FBRSL1: variants seen among roughly 807,000 people sequenced by gnomAD.
FBRSL1 encodes the protein fibrosin-1-like protein.
A neutral mutation model predicts 89.6 loss-of-function variants in FBRSL1; 51 were observed. The observed-to-expected ratio is 0.57, with a 90% CI of 0.45 to 0.72. The LOEUF (loss-of-function observed/expected upper bound fraction) is 0.72, where lower values mean the gene tolerates loss of function less well. Among genes scored for constraint, FBRSL1 ranks in the 30% least tolerant of loss-of-function variants. The pLI, the probability that FBRSL1 is intolerant of heterozygous loss-of-function variation, is 0.00. For missense variants in FBRSL1, 1,618 were observed against 1,451.8 expected (o/e 1.11, Z -1.86); for synonymous variants, 779 against 681.1 (o/e 1.14, Z -2.24).
chr12:132,584,816 TTTTACAC>T lies in FBRSL1; in HGVS notation c.*1039_*1045del, dbSNP rs1335146673. 1.1e-4 allele frequency: 3 copies of T among 26,184 alleles called. No individual in the cohort carries two copies. The highest frequency in any genetic ancestry group is 2.1e-4 in the Non-Finnish European group (3 of 14,002). 1.6% of individuals were successfully genotyped at this position (26,184 alleles called of 1,614,324 possible). A position where few individuals can be genotyped will look rare whatever the true frequency, so the allele number is the denominator to read the frequency against. On this transcript the variant is annotated 3_prime_UTR_variant, in exon 19 of 19. Transcript: ENST00000680143. ...AGAAGTGCAAGAGTCTAAAGGCTGA[TTTTACAC>T]ACACACACACACACACACACACACA...
At chr12:132,577,122 C>G (rs12821404) in intron 15 of FBRSL1, among the ~76,000 whole-genome samples, 191 bp downstream of exon 15, 1 of 151,894 alleles carries the variant, frequency 6.6e-6, no homozygotes, top group East Asian at 1.9e-4. Context: ...CACCTCTCTT[C>G]TCCTCACCTC....
At chr12:132,582,795 CG>C (rs2040869784) in intron 18 of FBRSL1, among the ~76,000 whole-genome samples, 175 bp from the exon 19 acceptor site, 1 of 152,048 alleles carries the variant, frequency 6.6e-6, no homozygotes, top group African/African-American at 2.4e-5. Flanking sequence ...GGCCGCCCAG[CG>C]GGGAGAGGAC....
rs1162944636 is a variant in FBRSL1, at chr12:132,574,106, AGGTGGCCCGCCGGGCTGGTGC to A, written c.1551_1571del (p.Ala518_Val524del). 3 of 1,347,394 alleles carry A rather than the reference AGGTGGCCCGCCGGGCTGGTGC, an allele frequency of 2.2e-6. No individual in the cohort carries two copies. Among genetic ancestry groups the A allele is most frequent in the Non-Finnish European group, 1.9e-6 (2 of 1,053,956 alleles). The allele number at this position is 1,347,394 out of a possible 1,614,324, so 83.5% of individuals were successfully genotyped here. A position where few individuals can be genotyped will look rare whatever the true frequency, so the allele number is the denominator to read the frequency against. Reference sequence around the variant, plus strand: ...TCCCCTCAGACTTCAAGCCCCATTGAGGTGGCCCGCCGGGCTGGTGCGGTTCACACACTCCTGCAGAAAGCG... The same window carrying A: ...TCCCCTCAGACTTCAAGCCCCATTGAGGTTCACACACTCCTGCAGAAAGCG... On this transcript the variant is annotated inframe_deletion, in exon 12 of 19. Transcript: ENST00000680143.
chr12:132,524,106 C>T (rs978619719), intron 2 of FBRSL1, among the ~76,000 whole-genome samples: 11 of 152,216 alleles, frequency 7.2e-5, no homozygotes, highest in African/African-American at 1.9e-4. Flanking sequence ...CCAGGGTTCC[C>T]GAATGTTACA....
chr12:132,560,541 C>G (rs1452663476), intron 5 of FBRSL1, among the ~76,000 whole-genome samples: 1 of 152,096 alleles, frequency 6.6e-6, no homozygotes, highest in Non-Finnish European at 1.5e-5. Context: ...ATCGGCCACC[C>G]GGGTTCCCGG....
At chr12:132,500,184 G>A (rs2032741050) in intron 1 of FBRSL1, among the ~76,000 whole-genome samples, 1 of 152,126 alleles carries the variant, frequency 6.6e-6, no homozygotes. Context: ...CCCCACTGAG[G>A]CCAGAGGGAC....
chr12:132,582,153 A>G lies in FBRSL1; in HGVS notation c.2088A>G (p.Ala696=), dbSNP rs760214602. The G allele has an allele frequency of 1.9e-6, 3 of 1,549,818 alleles. No homozygotes were observed. In the South Asian group the frequency reaches 3.6e-5, roughly 18 times the overall value. The change falls in exon 18 of 19, where the codon GCA becomes GCG. Residue 696 remains alanine, a synonymous_variant. Transcript: ENST00000680143. ...PHEAWNRLHR[A]PPSFPAPPPW... ...AGGCCTGGAACCGACTGCACCGGGC[A>G]CCGCCCTCCTTCCCGGCTCCGCCCC...
chr12:132,582,025 C>T (rs1230376177), intron 17 of FBRSL1, 37 bp from the exon 18 acceptor site: 1 of 1,492,680 alleles, frequency 6.7e-7, no homozygotes. Flanking sequence ...GGGGAGCAGA[C>T]AGACCCAACC....
Position 132,510,381 on chromosome 12 carries a change from C to T in FBRSL1, c.489+2031C>T, listed in dbSNP as rs186301739. The stretch of plus-strand genomic sequence containing the variant: ...CCATCCCTGCCGGCCCCTGCGGTCC[C>T]GGTGGACCCGATCCTGTGCCCCCGG... On this transcript the variant is annotated intron_variant, in intron 2 of 18. Transcript: ENST00000680143. 36 of 1,231,948 alleles carry T rather than the reference C, an allele frequency of 2.9e-5. 1 individual carries two copies. In the Admixed American group the frequency reaches 8.0e-4, roughly 27 times the overall value. 76.3% of individuals were successfully genotyped at this position (1,231,948 alleles called of 1,614,324 possible).
Position 132,570,479 on chromosome 12 carries a change from G to A in FBRSL1, c.1152G>A (p.Pro384=), listed in dbSNP as rs1195127953. The change falls in exon 8 of 19, where the codon CCG becomes CCA. Residue 384 remains proline (P), a synonymous_variant. Coordinates refer to ENST00000680143, the MANE Select transcript of FBRSL1 (RefSeq NM_001367871.1). ...ACGCGGCCATGTTTGCCGCACCCCC[G>A]ACACTGCCCCCGCCCCCGGCGCTGC... ...QLHAAMFAAP[P]TLPPPPALPA... The A allele has an allele frequency of 2.0e-5, 30 of 1,530,634 alleles. No individual in the cohort carries two copies. The highest frequency in any genetic ancestry group is 9.9e-5 in the East Asian group (4 of 40,518). The allele number at this position is 1,530,634 out of a possible 1,614,324, so 94.8% of individuals were successfully genotyped here. A position where few individuals can be genotyped will look rare whatever the true frequency, so the allele number is the denominator to read the frequency against.
chr12:132,583,235 G>C lies in FBRSL1; in HGVS notation c.2466G>C (p.Glu822Asp). ...VKVKEERGED[E>D]ASEPPAGGLH... ...TCAAGGAGGAGCGCGGGGAGGACGA[G>C]GCCTCCGAGCCCCCGGCGGGCGGCC... is the stretch of plus-strand genomic sequence containing the variant. Residue 822 changes from glutamate (E) to aspartate (D), a missense_variant, in exon 19 of 19, where the codon GAG (glutamate) becomes GAC (aspartate). Glu to Asp is a conservative substitution (Grantham distance 45). Transcript: ENST00000680143. 7.2e-7 allele frequency: 1 copy of C among 1,379,622 alleles called. No individual in the cohort carries two copies. Among genetic ancestry groups the C allele is most frequent in the Non-Finnish European group, 9.4e-7 (1 of 1,065,690 alleles). 85.5% of individuals were successfully genotyped at this position (1,379,622 alleles called of 1,614,324 possible).
intron 2 of FBRSL1, chr12:132,510,471 G>T: frequency 8.1e-7 from 1 of 1,232,060 alleles, no homozygotes; most frequent in East Asian, 3.2e-5. Flanking sequence ...TCCCCATATG[G>T]GTTTTCCAGC....
chr12:132,498,478 C>G (rs2032426115), intron 1 of FBRSL1, among the ~76,000 whole-genome samples: 1 of 152,234 alleles, frequency 6.6e-6, no homozygotes, highest in African/African-American at 2.4e-5. Flanking sequence ...TAGCCCTCCA[C>G]TCTCATCCTA....
intron 1 of FBRSL1, chr12:132,507,070 C>T (rs1006605264): frequency 7.6e-5 from 32 of 420,102 alleles, no homozygotes; most frequent in African/African-American, 6.5e-5. Context: ...CTGCCCTTAC[C>T]GGAGGGACAG....
At chr12:132,539,114 G>A (rs1375577306) in intron 4 of FBRSL1, among the ~76,000 whole-genome samples, 1 of 152,062 alleles carries the variant, frequency 6.6e-6, no homozygotes, top group Non-Finnish European at 1.5e-5. Context: ...AGCCCAGTGT[G>A]AGCCGCATCC....
At position 132,581,775 on chromosome 12, in the gene FBRSL1, G is replaced by A; in HGVS notation, c.1947G>A (p.Leu649=). The A allele has an allele frequency of 6.5e-7, 1 of 1,549,520 alleles. No individual in the cohort carries two copies. ...PFSRPSTFGG[L]GSLSSHAFGG... ...GCAGACCGAGCACCTTTGGGGGCCT[G>A]GGCAGCCTGAGCAGCCACGCCTTTG... The change falls in exon 17 of 19, where the codon CTG becomes CTA. Residue 649 remains leucine, a synonymous_variant. Transcript: ENST00000680143.
chr12:132,574,638 T>C, intron 14 of FBRSL1, 74 bp downstream of exon 14: 1 of 1,500,354 alleles, frequency 6.7e-7, no homozygotes, highest in Non-Finnish European at 8.9e-7. Flanking sequence ...AGGCCAGGCA[T>C]GAGGCTGTGT....
In FBRSL1 at chr12:132,558,548, G is replaced by C. The variant is rs570918233; in HGVS notation, c.646-8933G>C. Among the ~76,000 whole-genome samples the C allele has an allele frequency of 1.4e-4, 21 of 152,374 alleles. No homozygotes were observed. The East Asian group carries it at 4.0e-3, about 29-fold the overall frequency. ...TTTGGGGGCGACTTGTTGGTAAAGGGAGTACGTGTATTTGGTAAGTAGTTC... is the reference window on the plus strand; with the variant it reads ...TTTGGGGGCGACTTGTTGGTAAAGGCAGTACGTGTATTTGGTAAGTAGTTC... On this transcript the variant is annotated intron_variant, in intron 5 of 18. Coordinates refer to ENST00000680143, the MANE Select transcript of FBRSL1 (RefSeq NM_001367871.1).
chr12:132,554,106 C>T (rs534180103), intron 5 of FBRSL1: 5 of 152,276 alleles, frequency 3.3e-5, no homozygotes, highest in East Asian at 1.9e-4. Flanking sequence ...TCAGAGCCAT[C>T]GGTCGCCACG....
Sources: gnomAD v4.1 joint callset for allele counts (sites outside exome capture counted in the v4.1 genomes callset) on GRCh38, gnomAD v4.1.1 for gene constraint, MANE v1.5 for transcripts, NCBI Gene and HGNC (gene_info 2026-07-23, HGNC 2026-07-21) for gene names.